QTMAN: variants seen among roughly 807,000 people sequenced by gnomAD.
QTMAN encodes the protein queuosine-tRNA mannosyltransferase.
chr2:144,308,077 G>C, the QTMAN span, among the ~76,000 whole-genome samples: 1 of 150,148 alleles, frequency 6.7e-6, no homozygotes, highest in Non-Finnish European at 1.5e-5. Context: ...ACTTACTACT[G>C]AACAAACAGT....
At chr2:144,052,331 A>G in the QTMAN span, among the ~76,000 whole-genome samples, 2 of 152,340 alleles carry the variant, frequency 1.3e-5, no homozygotes, top group South Asian at 2.1e-4. Context: ...TGGCAAAACC[A>G]GAAGGCCAGC....
the QTMAN span, among the ~76,000 whole-genome samples, chr2:144,221,569 T>A: frequency 6.6e-6 from 1 of 152,202 alleles, no homozygotes; most frequent in Non-Finnish European, 1.5e-5. Context: ...TTTTCCTCTT[T>A]GTGCTTCATT....
chr2:144,332,048 C>T, the QTMAN span, among the ~76,000 whole-genome samples: 1 of 152,202 alleles, frequency 6.6e-6, no homozygotes, highest in Admixed American at 6.5e-5. Context: ...GACGTGCCCC[C>T]ACCCGTCCTC....
At chr2:144,199,353 A>T in the QTMAN span, among the ~76,000 whole-genome samples, 1 of 152,064 alleles carries the variant, frequency 6.6e-6, no homozygotes, top group South Asian at 2.1e-4. Context: ...TCAGCCTTCT[A>T]CTGAACTTCT....
chr2:144,222,436 G>T, the QTMAN span, among the ~76,000 whole-genome samples: 2 of 151,952 alleles, frequency 1.3e-5, no homozygotes, highest in African/African-American at 4.8e-5. Flanking sequence ...TTGAAATAAG[G>T]GGAAATATTT....
At chr2:144,034,419 C>T in the QTMAN span, among the ~76,000 whole-genome samples, 5 of 152,162 alleles carry the variant, frequency 3.3e-5, no homozygotes, top group African/African-American at 1.2e-4. Flanking sequence ...TATTCGCTTT[C>T]GTACTGCAAC....
chr2:144,175,730 T>C, the QTMAN span, among the ~76,000 whole-genome samples: 1 of 152,106 alleles, frequency 6.6e-6, no homozygotes, highest in African/African-American at 2.4e-5. Flanking sequence ...GTGGCAGTGA[T>C]CTCGGCTCAC....
At chr2:144,001,976 T>G in the QTMAN span, among the ~76,000 whole-genome samples, 6 of 151,940 alleles carry the variant, frequency 3.9e-5, no homozygotes, top group Admixed American at 3.3e-4. Flanking sequence ...CTGGGTGTAT[T>G]CAAGACTTTT....
the QTMAN span, among the ~76,000 whole-genome samples, chr2:144,212,619 T>C: frequency 2.0e-4 from 31 of 152,208 alleles, no homozygotes; most frequent in Non-Finnish European, 2.8e-4. Context: ...AATAGTATTA[T>C]ATGACATTAA....
At chr2:144,120,044 A>C in the QTMAN span, among the ~76,000 whole-genome samples, 1 of 152,212 alleles carries the variant, frequency 6.6e-6, no homozygotes. Flanking sequence ...AAGGGTTGGA[A>C]AGAAGTCATG....
the QTMAN span, among the ~76,000 whole-genome samples, chr2:144,094,122 T>C: frequency 6.6e-6 from 1 of 152,228 alleles, no homozygotes; most frequent in African/African-American, 2.4e-5. Flanking sequence ...TGATCAATTA[T>C]ACAATAAACT....
At chr2:144,100,008 G>T in the QTMAN span, among the ~76,000 whole-genome samples, 1 of 152,182 alleles carries the variant, frequency 6.6e-6, no homozygotes, top group East Asian at 1.9e-4. Flanking sequence ...TCTTAACGTC[G>T]TGTGTAGAGA....
chr2:144,248,760 AC>A, the QTMAN span, among the ~76,000 whole-genome samples: 1 of 152,050 alleles, frequency 6.6e-6, no homozygotes, highest in Non-Finnish European at 1.5e-5. Flanking sequence ...AAAAAAAAAA[AC>A]AGAGTATTGA....
At chr2:144,181,092 CAGAT>C in the QTMAN span, among the ~76,000 whole-genome samples, 1 of 152,116 alleles carries the variant, frequency 6.6e-6, no homozygotes, top group African/African-American at 2.4e-5. Context: ...CTCAAGGAAA[CAGAT>C]AGGTATCTGT....
the QTMAN span, among the ~76,000 whole-genome samples, chr2:144,154,085 T>C: frequency 6.6e-6 from 1 of 152,210 alleles, no homozygotes; most frequent in Admixed American, 6.5e-5. Context: ...GTTTTTGTGT[T>C]AATTGTACTT....
the QTMAN span, among the ~76,000 whole-genome samples, chr2:143,965,060 CT>C: frequency 2.0e-3 from 279 of 142,102 alleles, no homozygotes; most frequent in South Asian, 3.8e-3. Flanking sequence ...TGTTCTTCTT[CT>C]TTTTTTTTTT....
the QTMAN span, among the ~76,000 whole-genome samples, chr2:144,081,748 C>A: frequency 6.6e-6 from 1 of 152,142 alleles, no homozygotes; most frequent in Non-Finnish European, 1.5e-5. Flanking sequence ...CATCTCCATA[C>A]CTTCGCAAAA....
chr2:143,941,495 A>G, the QTMAN span: 5 of 152,174 alleles, frequency 3.3e-5, no homozygotes, highest in African/African-American at 1.2e-4. Flanking sequence ...TAACATGGTG[A>G]AACCCCGTCT....
At chr2:144,194,882 T>G in the QTMAN span, among the ~76,000 whole-genome samples, 1 of 151,872 alleles carries the variant, frequency 6.6e-6, no homozygotes. Flanking sequence ...AAATCTGGAG[T>G]GAAGGGATTT....
Sources: gnomAD v4.1 joint callset for allele counts (sites outside exome capture counted in the v4.1 genomes callset) on GRCh38, gnomAD v4.1.1 for gene constraint, MANE v1.5 for transcripts, NCBI Gene and HGNC (gene_info 2026-07-23, HGNC 2026-07-21) for gene names.